UBN2: variants seen among roughly 807,000 people sequenced by gnomAD.
UBN2 encodes the protein ubinuclein-2.
UBN2 carries 35 observed loss-of-function variants against 120.2 expected under a neutral mutation model. That is an observed-to-expected ratio of 0.29 (90% confidence interval 0.22 to 0.39). The LOEUF (loss-of-function observed/expected upper bound fraction) is 0.39, where lower values mean the gene tolerates loss of function less well. UBN2 is among the 10% of genes least tolerant of loss of function. The pLI, the probability that UBN2 is intolerant of heterozygous loss-of-function variation, is 1.00. For synonymous variants in UBN2, 661 were observed against 648.7 expected (o/e 1.02, Z -0.29); for missense variants, 1,693 against 1,663.2 (o/e 1.02, Z -0.31).
chr7:139,255,868 TTTA>T (rs1358622795), intron 3 of UBN2, among the ~76,000 whole-genome samples: 8 of 152,330 alleles, frequency 5.3e-5, no homozygotes, highest in African/African-American at 1.9e-4. Context: ...AAATGTTTTG[TTTA>T]TTATTAATAA....
At chr7:139,325,944 A>C in the UBN2 span, among the ~76,000 whole-genome samples, 1 of 152,100 alleles carries the variant, frequency 6.6e-6, no homozygotes, top group Non-Finnish European at 1.5e-5. Context: ...TAATCCCAGC[A>C]CTTTGGGAGG....
intron 7 of UBN2, 95 bp from the exon 8 acceptor site, chr7:139,269,299 A>G: frequency 7.8e-6 from 10 of 1,286,822 alleles, no homozygotes; most frequent in Non-Finnish European, 9.6e-6. Flanking sequence ...ATGAAAAGAT[A>G]AAATGAGAAC....
chr7:139,311,540 C>T (rs1359717178), downstream of UBN2, among the ~76,000 whole-genome samples: 5 of 152,164 alleles, frequency 3.3e-5, no homozygotes, highest in African/African-American at 7.2e-5. Flanking sequence ...AGACCCCAGG[C>T]GGGTGTATTG....
At chr7:139,312,639 C>A (rs1277401283), downstream of UBN2, among the ~76,000 whole-genome samples, 1 of 152,184 alleles carries the variant, frequency 6.6e-6, no homozygotes, top group Non-Finnish European at 1.5e-5. Context: ...CTGTGACATC[C>A]TTTATTGAAC....
intron 15 of UBN2, among the ~76,000 whole-genome samples, chr7:139,289,166 C>T (rs1797872647): frequency 6.6e-6 from 1 of 152,080 alleles, no homozygotes; most frequent in African/African-American, 2.4e-5. Context: ...TGTGCATGAT[C>T]CCAGATGATA....
intron 1 of UBN2, among the ~76,000 whole-genome samples, chr7:139,232,622 C>A (rs1796058889): frequency 6.6e-6 from 1 of 152,016 alleles, no homozygotes; most frequent in Admixed American, 6.6e-5. Context: ...TTTAGCTTTC[C>A]TTTTTTGTGG....
chr7:139,260,909 G>A (rs574958575), intron 5 of UBN2, among the ~76,000 whole-genome samples: 27 of 152,262 alleles, frequency 1.8e-4, no homozygotes, highest in Non-Finnish European at 2.9e-4. Flanking sequence ...ACTGAAACAC[G>A]GGGCTGCCTT....
intron 1 of UBN2, among the ~76,000 whole-genome samples, chr7:139,234,543 T>G (rs907682810): frequency 6.6e-6 from 1 of 152,162 alleles, no homozygotes; most frequent in African/African-American, 2.4e-5. Flanking sequence ...GGCAGTACAG[T>G]GCTGTGATTG....
chr7:139,324,150 T>C, the UBN2 span, among the ~76,000 whole-genome samples: 13 of 152,334 alleles, frequency 8.5e-5, no homozygotes, highest in Middle Eastern at 6.8e-3. Context: ...AGTGGTTCTC[T>C]TTTTCTTGCT....
intron 2 of UBN2, among the ~76,000 whole-genome samples, chr7:139,245,087 C>A (rs1336628547): frequency 6.7e-6 from 1 of 149,918 alleles, no homozygotes; most frequent in Non-Finnish European, 1.5e-5. Flanking sequence ...GCACGCATCA[C>A]CATGCCCAGC....
intron 9 of UBN2, 64 bp downstream of exon 9, chr7:139,272,504 A>G (rs1797309315): frequency 1.4e-6 from 1 of 711,834 alleles, no homozygotes; most frequent in Non-Finnish European, 2.3e-6. Context: ...TTATGTATGT[A>G]TGTATGTATG....
intron 15 of UBN2, among the ~76,000 whole-genome samples, chr7:139,289,244 A>T (rs745956016): frequency 1.3e-4 from 20 of 152,150 alleles, no homozygotes; most frequent in Non-Finnish European, 2.1e-4. Flanking sequence ...GCAAATACCC[A>T]TGTCACATTT....
At chr7:139,308,937 G>A (rs1798409085), downstream of UBN2, among the ~76,000 whole-genome samples, 1 of 152,174 alleles carries the variant, frequency 6.6e-6, no homozygotes, top group Admixed American at 6.5e-5. Context: ...GGGCATGGTG[G>A]CATGTGCCTG....
chr7:139,286,552 C>G (rs925897077), intron 15 of UBN2, among the ~76,000 whole-genome samples: 1 of 152,026 alleles, frequency 6.6e-6, no homozygotes, highest in African/African-American at 2.4e-5. Flanking sequence ...TAAAAATCAC[C>G]TATTAATCCA....
At chr7:139,240,051 T>C (rs1210383130) in intron 2 of UBN2, among the ~76,000 whole-genome samples, 1 of 152,178 alleles carries the variant, frequency 6.6e-6, no homozygotes, top group Non-Finnish European at 1.5e-5. Context: ...CTGAAGAAGT[T>C]GTTTGATGCG....
At chr7:139,248,137 TG>T (rs1316629747) in intron 2 of UBN2, among the ~76,000 whole-genome samples, 1 of 152,218 alleles carries the variant, frequency 6.6e-6, no homozygotes, top group African/African-American at 2.4e-5. Flanking sequence ...TTGCTTTCTA[TG>T]GCATAAGTTC....
At chr7:139,309,906 G>A (rs908628694), downstream of UBN2, among the ~76,000 whole-genome samples, 4 of 152,084 alleles carry the variant, frequency 2.6e-5, no homozygotes, top group African/African-American at 9.7e-5. Context: ...ATATACAAAA[G>A]AACATAACAC....
intron 6 of UBN2, 40 bp downstream of exon 6, chr7:139,261,781 A>T: frequency 6.3e-7 from 1 of 1,575,162 alleles, no homozygotes; most frequent in African/African-American, 1.4e-5. Flanking sequence ...TTGCTGCACA[A>T]ACATAAGAAT....
the UBN2 span, among the ~76,000 whole-genome samples, chr7:139,325,565 G>C: frequency 3.3e-5 from 5 of 152,028 alleles, no homozygotes. Context: ...CACCATGCCC[G>C]GCCGAAATCA....
Sources: allele counts gnomAD v4.1 joint callset (sites outside exome capture counted in the v4.1 genomes callset), GRCh38; gene constraint gnomAD v4.1.1; transcripts MANE v1.5; gene names NCBI Gene and HGNC (gene_info 2026-07-23, HGNC 2026-07-21).